HDAC9: variants seen among roughly 807,000 people sequenced by gnomAD.
HDAC9 encodes MEF-2 interacting transcription repressor (MITR) protein.
Under a neutral mutation model 139.4 loss-of-function variants are expected in HDAC9, and 41 were observed. The observed-to-expected ratio is 0.29, with a 90% CI of 0.23 to 0.38. The LOEUF is 0.38. Ranked by LOEUF, HDAC9 falls within the 10% of genes least tolerant of loss-of-function variation. HDAC9 has a pLI of 1.00. For missense variants in HDAC9, 1,147 were observed against 1,297.0 expected (o/e 0.88, Z 1.78); for synonymous variants, 517 against 476.2 (o/e 1.09, Z -1.12).
intron 22 of HDAC9, among the ~76,000 whole-genome samples, chr7:18,893,201 A>G (rs1800853067): frequency 6.6e-6 from 1 of 152,086 alleles, no homozygotes; most frequent in African/African-American, 2.4e-5. Context: ...GCAGAGAGAA[A>G]GCTGTAAACC....
chr7:18,835,516 G>A lies in HDAC9; in HGVS notation c.2516G>A (p.Ser839Asn), dbSNP rs774955115. The A allele has an allele frequency of 1.2e-6, 2 of 1,613,640 alleles. No individual in the cohort carries two copies. The highest frequency in any genetic ancestry group is 1.1e-5 in the South Asian group (1 of 91,080). ...CAGCAGGCCTTTTATGCTGACCCCA[G>A]CATCCTGTACATTTCACTCCATCGC... ...GTQQAFYADP[S>N]ILYISLHRYD... The change falls in exon 20 of 26, where the codon AGC (serine) becomes AAC (asparagine). Residue 839 changes from serine (S) to asparagine (N), a missense_variant. By Grantham distance (46) the Ser-to-Asn change is conservative. This residue lies in a region of HDAC9 where 407 missense variants were observed against 521.5 expected (regional missense o/e 0.78). Transcript: ENST00000686413.
chr7:18,466,758 G>C (rs939811992), intron 1 of HDAC9, among the ~76,000 whole-genome samples: 1 of 152,142 alleles, frequency 6.6e-6, no homozygotes, highest in Non-Finnish European at 1.5e-5. Context: ...ATTCAACGAA[G>C]TAAGACTAGG....
intron 16 of HDAC9, among the ~76,000 whole-genome samples, chr7:18,778,148 A>G (rs1240906817): frequency 2.0e-5 from 3 of 151,908 alleles, no homozygotes; most frequent in Non-Finnish European, 2.9e-5. Flanking sequence ...TCAACCTCAT[A>G]TGATTGTCAA....
rs75324703 is a variant in HDAC9, at chr7:18,367,350, A to G, written c.-42+76835A>G. Among the ~76,000 whole-genome samples the G allele has an allele frequency of 5.3e-3, 810 of 152,188 alleles. 7 individuals are homozygous for G. The highest frequency in any genetic ancestry group is 0.019 in the African/African-American group (781 of 41,550). ...GGGTCCCCTGTTCTTCCTATTTTTC[A>G]GGAGAAGAAGGGTATCAGATTTTTA... On this transcript the variant is annotated intron_variant, in intron 1 of 3. Transcript: ENST00000413509.
intron 1 of HDAC9, among the ~76,000 whole-genome samples, chr7:18,448,381 G>A (rs544681201): frequency 1.1e-3 from 160 of 151,970 alleles, no homozygotes; most frequent in Non-Finnish European, 2.0e-3. Context: ...CATATTTATC[G>A]TACAAAATGC....
At chr7:18,434,743 A>G (rs77298344) in intron 1 of HDAC9, among the ~76,000 whole-genome samples, 7,429 of 152,194 alleles carry the variant, frequency 0.049, 305 homozygotes, top group African/African-American at 0.11. Context: ...AAAAATAACA[A>G]ATGCTGATGA....
chr7:18,268,099 T>A (rs952740881), intron 2 of HDAC9, among the ~76,000 whole-genome samples: 1 of 152,186 alleles, frequency 6.6e-6, no homozygotes, highest in African/African-American at 2.4e-5. Flanking sequence ...AATTAGTATT[T>A]TCATTACAGC....
chr7:18,803,000 A>G (rs976770160), intron 17 of HDAC9, among the ~76,000 whole-genome samples: 3 of 151,984 alleles, frequency 2.0e-5, no homozygotes, highest in Non-Finnish European at 2.9e-5. Flanking sequence ...ATACTGAAAC[A>G]TATCTCTATC....
At chr7:18,803,320 C>T (rs967647648) in intron 17 of HDAC9, among the ~76,000 whole-genome samples, 3 of 152,088 alleles carry the variant, frequency 2.0e-5, no homozygotes, top group Admixed American at 2.0e-4. Flanking sequence ...TTATAAAAGA[C>T]TAGTAGCACT....
chr7:18,590,526 A>C, intron 4 of HDAC9, 40 bp downstream of exon 4: 1 of 1,552,282 alleles, frequency 6.4e-7, no homozygotes. Flanking sequence ...CTCTTTCCTC[A>C]TCGTTAGCTG....
At chr7:18,640,733 C>T (rs1403491409) in intron 8 of HDAC9, among the ~76,000 whole-genome samples, 1 of 151,918 alleles carries the variant, frequency 6.6e-6, no homozygotes, top group Non-Finnish European at 1.5e-5. Flanking sequence ...TATCACTAAG[C>T]CTGTGTTTTT....
At chr7:18,122,208 C>G (rs367543608) in intron 1 of HDAC9, among the ~76,000 whole-genome samples, 8 of 152,286 alleles carry the variant, frequency 5.3e-5, no homozygotes, top group East Asian at 1.9e-4. Flanking sequence ...AATTGACTTT[C>G]TTTAGAGACC....
intron 1 of HDAC9, among the ~76,000 whole-genome samples, chr7:18,374,102 T>G (rs139858336): frequency 6.6e-6 from 1 of 151,884 alleles, no homozygotes; most frequent in African/African-American, 2.4e-5. Context: ...ATTCACTAAA[T>G]CATACTATGC....
chr7:18,294,942 A>G (rs547431074), intron 1 of HDAC9, among the ~76,000 whole-genome samples: 2 of 152,238 alleles, frequency 1.3e-5, no homozygotes, highest in Non-Finnish European at 2.9e-5. Flanking sequence ...GGGAGCATCA[A>G]TTATGATCCT....
At chr7:18,984,102 T>G (rs1423913102) in intron 25 of HDAC9, among the ~76,000 whole-genome samples, 1 of 152,134 alleles carries the variant, frequency 6.6e-6, no homozygotes, top group Non-Finnish European at 1.5e-5. Flanking sequence ...AAGTGAAAAT[T>G]AGATACATTT....
At chr7:18,829,775 G>A (rs1263457391) in intron 19 of HDAC9, among the ~76,000 whole-genome samples, 6 of 152,208 alleles carry the variant, frequency 3.9e-5, no homozygotes, top group African/African-American at 1.4e-4. Context: ...AGAAGGCGCA[G>A]ATCAGGGCAA....
intron 16 of HDAC9, among the ~76,000 whole-genome samples, chr7:18,789,286 G>GCGCGCGCGCACACACACA (rs146066951): frequency 6.7e-6 from 1 of 148,396 alleles, no homozygotes; most frequent in South Asian, 2.2e-4. Context: ...ACACATACAC[G>GCGCGCGCGCACACACACA]CACACACACA....
chr7:18,988,127 C>T (rs1343545188), intron 25 of HDAC9, among the ~76,000 whole-genome samples: 5 of 152,026 alleles, frequency 3.3e-5, no homozygotes, highest in African/African-American at 4.8e-5. Flanking sequence ...TTTGCTCTTG[C>T]TTTTCTAGTT....
chr7:18,488,934 C>T (rs1796167495), intron 1 of HDAC9, among the ~76,000 whole-genome samples: 1 of 151,998 alleles, frequency 6.6e-6, no homozygotes, highest in Non-Finnish European at 1.5e-5. Flanking sequence ...TTAAACTGCA[C>T]TTGCTTTCAA....
Sources: gnomAD v4.1 joint callset for allele counts (sites outside exome capture counted in the v4.1 genomes callset) on GRCh38, gnomAD v4.1.1 for gene constraint, gnomAD v4.1.1 regional missense constraint, MANE v1.5 for transcripts, NCBI Gene and HGNC (gene_info 2026-07-23, HGNC 2026-07-21) for gene names.